The following STK31 variants were observed in gnomAD, a reference collection of about 807,000 sequenced individuals.
STK31 encodes serine/threonine-protein kinase 31.
Under a neutral mutation model 129.7 loss-of-function variants are expected in STK31, and 89 were observed. The observed-to-expected ratio is 0.69, with a 90% CI of 0.58 to 0.82. STK31 has a LOEUF of 0.82. STK31 is among the 40% of genes least tolerant of loss of function. STK31 has a pLI of 0.00. For missense variants in STK31, 1,187 were observed against 1,176.4 expected (o/e 1.01, Z -0.13); for synonymous variants, 448 against 395.3 (o/e 1.13, Z -1.58).
chr7:23,810,648 TTA>T lies in STK31; in HGVS notation c.2761-4487_2761-4486del, dbSNP rs1197831408. ...ATATAATAGATATAAAATATATAAA[TTA>T]TATATATAAAAATATATAATATATA... On this transcript the variant is annotated intron_variant, in intron 22 of 23. Coordinates refer to ENST00000355870, the MANE Select transcript of STK31 (RefSeq NM_031414.5). 1.3e-4 allele frequency among the ~76,000 whole-genome samples: 18 copies of T among 135,372 alleles called. No homozygotes were observed. The East Asian group carries it at 1.8e-3, about 14-fold the overall frequency. 88.8% of individuals were successfully genotyped at this position (135,372 alleles called of 152,430 possible). A position where few individuals can be genotyped will look rare whatever the true frequency, so the allele number is the denominator to read the frequency against.
chr7:23,797,090 T>C lies in STK31; in HGVS notation c.2760+6144T>C, dbSNP rs187081024. On this transcript the variant is annotated intron_variant, in intron 22 of 23. Transcript: ENST00000355870. The stretch of plus-strand genomic sequence containing the variant: ...TATCCTAAATATTATATGCACCCAA[T>C]ACAAGAGCACCAAGATTCATAAAGC... 3.6e-3 allele frequency among the ~76,000 whole-genome samples: 547 copies of C among 152,206 alleles called. 3 individuals are homozygous for C. The highest frequency in any genetic ancestry group is 0.012 in the African/African-American group (515 of 41,512).
Position 23,826,002 on chromosome 7 carries a change from A to C in STK31, c.2830-6134A>C, listed in dbSNP as rs903805061. Among the ~76,000 whole-genome samples the C allele has an allele frequency of 5.9e-5, 9 of 152,106 alleles. No homozygotes were observed. The South Asian group carries it at 6.2e-4, about 11-fold the overall frequency. ...TTATGTTCTTTTACATTTGCTGAGG[A>C]GAGCTTTACTTCCAAGTATGTGGTC... is the stretch of plus-strand genomic sequence containing the variant. On this transcript the variant is annotated intron_variant, in intron 23 of 23. Transcript: ENST00000355870.
intron 16 of STK31, among the ~76,000 whole-genome samples, chr7:23,781,798 G>A (rs925731521): frequency 2.0e-5 from 3 of 152,200 alleles, no homozygotes; most frequent in Non-Finnish European, 2.9e-5. Flanking sequence ...AGTAATCACT[G>A]TTAACTTTTG....
intron 8 of STK31, among the ~76,000 whole-genome samples, chr7:23,752,368 G>C (rs1388569234): frequency 4.7e-5 from 4 of 85,148 alleles, no homozygotes; most frequent in African/African-American, 9.0e-5. Context: ...TTTTTTTTTT[G>C]AGACAGAGTC....
chr7:23,805,876 C>G (rs773023963), intron 22 of STK31, among the ~76,000 whole-genome samples: 1 of 152,202 alleles, frequency 6.6e-6, no homozygotes, highest in Non-Finnish European at 1.5e-5. Flanking sequence ...ATGTTTGGAA[C>G]TAACTGCTTT....
At position 23,790,907 on chromosome 7, in the gene STK31, A is replaced by C. The variant is rs367739777; in HGVS notation, c.2721A>C (p.Pro907=). The C allele has an allele frequency of 6.2e-7, 1 of 1,607,420 alleles. No individual in the cohort carries two copies. The change falls in exon 22 of 24, where the codon CCA becomes CCC. Residue 907 remains proline (P), a synonymous_variant. Coordinates refer to ENST00000355870, the MANE Select transcript of STK31 (RefSeq NM_031414.5). ...TGAAAATGGGAAAACCTGCTTCTCC[A>C]GGTTCAGACTTATATGCTTATGGCT... ...PELKMGKPAS[P]GSDLYAYGCL...
Position 23,737,120 on chromosome 7 carries a change from A to G in STK31, c.1017+42A>G, listed in dbSNP as rs370977172. The G allele has an allele frequency of 4.7e-6, 7 of 1,488,370 alleles. No individual in the cohort carries two copies. In the African/African-American group the frequency reaches 5.6e-5, roughly 12 times the overall value. The allele number at this position is 1,488,370 out of a possible 1,614,324, so 92.2% of individuals were successfully genotyped here. A position where few individuals can be genotyped will look rare whatever the true frequency, so the allele number is the denominator to read the frequency against. On this transcript the variant is annotated intron_variant, in intron 8 of 23. Coordinates refer to ENST00000355870, the MANE Select transcript of STK31 (RefSeq NM_031414.5). ...AAGGTGAAGAGTGTCCAACTGGGAA[A>G]TCTGTGTACTCATCTGCTGCTATTT...
chr7:23,824,008 G>A (rs1244878884), intron 23 of STK31, among the ~76,000 whole-genome samples: 5 of 152,180 alleles, frequency 3.3e-5, no homozygotes, highest in African/African-American at 7.2e-5. Flanking sequence ...TAGCCTTGTA[G>A]TATAGTTTGA....
chr7:23,737,107 G>T (rs1400730607), intron 8 of STK31, 29 bp downstream of exon 8: 1 of 1,537,598 alleles, frequency 6.5e-7, no homozygotes, highest in Non-Finnish European at 8.7e-7. Context: ...GGTGAAGAGT[G>T]TCCAACTGGG....
chr7:23,786,982 A>AATAAATATCAGGTG, intron 20 of STK31, 58 bp downstream of exon 20: 1 of 1,507,242 alleles, frequency 6.6e-7, no homozygotes, highest in Non-Finnish European at 9.2e-7. Flanking sequence ...ATAACACCTG[A>AATAAATATCAGGTG]TATTTATTCA....
At chr7:23,830,340 T>C (rs1123459) in intron 23 of STK31, among the ~76,000 whole-genome samples, 115,680 of 151,892 alleles carry the variant, frequency 0.76, 44,653 homozygotes, top group African/African-American at 0.88. Context: ...TGTATCAGGT[T>C]GTTTATTTGT....
rs368295426 is a variant in STK31 at position 23,754,312 on chromosome 7, T to C, written c.1134-3T>C. On this transcript the variant is annotated splice_region_variant and splice_polypyrimidine_tract_variant and intron_variant, in intron 9 of 23. Coordinates refer to ENST00000355870, the MANE Select transcript of STK31 (RefSeq NM_031414.5). ...TTCTTCTTTTTGATGTTTTTAAAAA[T>C]AGGCATGTCGACATCAGTGTCCGTT... 5.6e-6 allele frequency: 9 copies of C among 1,596,324 alleles called. No homozygotes were observed. Among genetic ancestry groups the C allele is most frequent in the Non-Finnish European group, 7.7e-6 (9 of 1,175,608 alleles).
At chr7:23,815,917 T>C (rs540138602) in intron 23 of STK31, among the ~76,000 whole-genome samples, 3 of 152,228 alleles carry the variant, frequency 2.0e-5, no homozygotes, top group Admixed American at 2.0e-4. Flanking sequence ...TGGCAGTAAA[T>C]GAGTCTATAA....
intron 7 of STK31, among the ~76,000 whole-genome samples, 175 bp from the exon 8 acceptor site, chr7:23,736,729 A>G (rs1787741353): frequency 6.6e-6 from 1 of 152,234 alleles, no homozygotes; most frequent in Non-Finnish European, 1.5e-5. Flanking sequence ...CTTCAGTTAT[A>G]AAATCTTGTT....
chr7:23,726,016 A>C (rs1787041289), intron 4 of STK31: 1 of 152,208 alleles, frequency 6.6e-6, no homozygotes, highest in South Asian at 2.1e-4. Flanking sequence ...CTATGAGTGA[A>C]AACTCATTCA....
At chr7:23,740,445 C>T (rs930767400) in intron 8 of STK31, among the ~76,000 whole-genome samples, 7 of 152,058 alleles carry the variant, frequency 4.6e-5, no homozygotes, top group African/African-American at 1.4e-4. Flanking sequence ...TTGCAGCCAT[C>T]GATGGTTGTT....
At chr7:23,749,344 GTTTT>G (rs201417190) in intron 8 of STK31, among the ~76,000 whole-genome samples, 1 of 124,904 alleles carries the variant, frequency 8.0e-6, no homozygotes. Context: ...TTCTTTTCTT[GTTTT>G]TTTTTTTTTT....
intron 6 of STK31, among the ~76,000 whole-genome samples, chr7:23,732,033 G>T (rs532528751): frequency 6.6e-6 from 1 of 152,298 alleles, no homozygotes; most frequent in South Asian, 2.1e-4. Context: ...GTTTTGTCCA[G>T]TGCGGTGGCT....
chr7:23,769,514 T>C, intron 12 of STK31, 126 bp from the exon 13 acceptor site: 1 of 642,838 alleles, frequency 1.6e-6, no homozygotes, highest in Non-Finnish European at 2.6e-6. Context: ...GCACTTTTTT[T>C]TCCTGCATTC....
Sources: allele counts gnomAD v4.1 joint callset (sites outside exome capture counted in the v4.1 genomes callset), GRCh38; gene constraint gnomAD v4.1.1; transcripts MANE v1.5; gene names NCBI Gene and HGNC (gene_info 2026-07-23, HGNC 2026-07-21).